SLC35F1: variants seen among roughly 807,000 people sequenced by gnomAD.
SLC35F1 encodes the protein solute carrier family 35 member F1.
SLC35F1 carries 14 observed loss-of-function variants against 48.7 expected under a neutral mutation model. The observed-to-expected ratio is 0.29, with a 90% CI of 0.19 to 0.45. The LOEUF is 0.45. Ranked by LOEUF, SLC35F1 falls within the 20% of genes least tolerant of loss-of-function variation. The pLI, the probability that SLC35F1 is intolerant of heterozygous loss-of-function variation, is 1.00. For missense variants in SLC35F1, 404 were observed against 500.0 expected (o/e 0.81, Z 1.83); for synonymous variants, 190 against 202.2 (o/e 0.94, Z 0.51).
At chr6:118,235,706 G>C in intron 3 of SLC35F1, 70 bp downstream of exon 3, 1 of 1,528,262 alleles carries the variant, frequency 6.5e-7, no homozygotes, top group Admixed American at 1.9e-5. Context: ...TTTAGTCCTT[G>C]AAAATCTCTA....
intron 2 of SLC35F1, among the ~76,000 whole-genome samples, chr6:118,188,086 T>C (rs80245769): frequency 0.016 from 2,414 of 152,268 alleles, 82 homozygotes; most frequent in African/African-American, 0.055. Flanking sequence ...GAGTCGCAGA[T>C]TGAAGGGGAG....
chr6:118,019,637 T>C (rs1430839753), intron 1 of SLC35F1, among the ~76,000 whole-genome samples: 1 of 151,474 alleles, frequency 6.6e-6, no homozygotes, highest in African/African-American at 2.4e-5. Context: ...AAAAAAGAAA[T>C]GGGTAGTTGA....
intron 1 of SLC35F1, among the ~76,000 whole-genome samples, chr6:118,024,852 A>C (rs2114887514): frequency 6.6e-6 from 1 of 152,286 alleles, no homozygotes; most frequent in East Asian, 1.9e-4. Context: ...TATAGGGAGA[A>C]TCTCATATAA....
intron 3 of SLC35F1, among the ~76,000 whole-genome samples, chr6:118,240,647 A>G (rs1026961836): frequency 6.6e-6 from 1 of 152,208 alleles, no homozygotes; most frequent in Non-Finnish European, 1.5e-5. Flanking sequence ...GGAAATCAAC[A>G]CAGTTCTCTG....
chr6:118,277,683 C>A (rs897072363), intron 6 of SLC35F1, 137 bp downstream of exon 6: 5 of 750,304 alleles, frequency 6.7e-6, no homozygotes, highest in East Asian at 2.5e-5. Context: ...ATCCCTTTGT[C>A]ATTTCAGGAA....
intron 3 of SLC35F1, among the ~76,000 whole-genome samples, chr6:118,244,540 C>G (rs1775483379): frequency 6.6e-6 from 1 of 152,266 alleles, no homozygotes; most frequent in Non-Finnish European, 1.5e-5. Context: ...CATTGGAAAG[C>G]AAGGGACGTA....
intron 2 of SLC35F1, among the ~76,000 whole-genome samples, chr6:118,216,244 AT>A (rs888197163): frequency 3.3e-4 from 49 of 146,858 alleles, no homozygotes; most frequent in East Asian, 7.9e-4. Context: ...TGCCTGGCTA[AT>A]TTTTTTTTTT....
chr6:118,182,660 G>C (rs984461453), intron 2 of SLC35F1, among the ~76,000 whole-genome samples: 1 of 152,034 alleles, frequency 6.6e-6, no homozygotes, highest in Non-Finnish European at 1.5e-5. Flanking sequence ...CATGAGGCCA[G>C]GAGTTCAAGA....
At chr6:118,271,038 C>T (rs1775845280) in intron 4 of SLC35F1, among the ~76,000 whole-genome samples, 2 of 151,026 alleles carry the variant, frequency 1.3e-5, no homozygotes. Context: ...TTTTTTATTA[C>T]ACTTACTTTT....
chr6:118,050,826 A>G (rs1413856379), intron 1 of SLC35F1, among the ~76,000 whole-genome samples: 1 of 152,164 alleles, frequency 6.6e-6, no homozygotes, highest in African/African-American at 2.4e-5. Flanking sequence ...TTGCAGGCAG[A>G]GTATGACTTC....
At chr6:118,235,750 G>T (rs1322305965) in intron 3 of SLC35F1, 114 bp downstream of exon 3, 1 of 1,041,792 alleles carries the variant, frequency 9.6e-7, no homozygotes, top group Non-Finnish European at 1.3e-6. Flanking sequence ...CTATACTATA[G>T]TATACAGACT....
intron 1 of SLC35F1, among the ~76,000 whole-genome samples, chr6:117,976,320 C>T (rs865829601): frequency 7.9e-5 from 12 of 152,110 alleles, no homozygotes; most frequent in African/African-American, 2.4e-4. Flanking sequence ...GAAACCCTGG[C>T]TGAAAGAAAA....
chr6:118,064,408 C>T (rs925192747), intron 1 of SLC35F1, among the ~76,000 whole-genome samples: 2 of 152,172 alleles, frequency 1.3e-5, no homozygotes, highest in Non-Finnish European at 2.9e-5. Context: ...CATATCCTCA[C>T]ATAGGTAGTA....
At chr6:117,933,756 C>T (rs929599190) in intron 1 of SLC35F1, among the ~76,000 whole-genome samples, 1 of 152,092 alleles carries the variant, frequency 6.6e-6, no homozygotes, top group Non-Finnish European at 1.5e-5. Flanking sequence ...CTTGTGATAA[C>T]AAAGTGAAAA....
intron 4 of SLC35F1, 112 bp downstream of exon 4, chr6:118,267,266 A>T: frequency 8.1e-7 from 1 of 1,239,572 alleles, no homozygotes; most frequent in Non-Finnish European, 1.2e-6. Context: ...TGGATTTCCC[A>T]CTATCTGTGT....
intron 1 of SLC35F1, among the ~76,000 whole-genome samples, chr6:118,077,037 A>C (rs1772832355): frequency 6.6e-6 from 1 of 152,212 alleles, no homozygotes; most frequent in Non-Finnish European, 1.5e-5. Flanking sequence ...TGTTTTTTAA[A>C]ATGAAAAATT....
intron 1 of SLC35F1, among the ~76,000 whole-genome samples, chr6:118,083,706 T>A (rs1772944727): frequency 6.6e-6 from 1 of 152,218 alleles, no homozygotes; most frequent in African/African-American, 2.4e-5. Context: ...TGATTGGTAT[T>A]TGGCAATACA....
At position 118,214,683 on chromosome 6, in the gene SLC35F1, G is replaced by A. The variant is rs1582733560; in HGVS notation, c.350-20826G>A. Among the ~76,000 whole-genome samples the A allele has an allele frequency of 2.0e-5, 3 of 152,088 alleles. No individual in the cohort carries two copies. In the South Asian group the frequency reaches 6.2e-4, roughly 32 times the overall value. On this transcript the variant is annotated intron_variant, in intron 2 of 7. Transcript: ENST00000360388. ...TCATTGTAGCTCCATTGTCAGCTCTGGGTCCAGGTGGATAAATTTGATCAA... is the reference window on the plus strand; with the variant it reads ...TCATTGTAGCTCCATTGTCAGCTCTAGGTCCAGGTGGATAAATTTGATCAA...
At chr6:118,021,919 G>GT (rs1367480569) in intron 1 of SLC35F1, among the ~76,000 whole-genome samples, 1 of 152,192 alleles carries the variant, frequency 6.6e-6, no homozygotes, top group African/African-American at 2.4e-5. Flanking sequence ...CTTTAGGGGA[G>GT]TGAGGTGGTG....
Sources: gnomAD v4.1 joint callset for allele counts (sites outside exome capture counted in the v4.1 genomes callset) on GRCh38, gnomAD v4.1.1 for gene constraint, MANE v1.5 for transcripts, NCBI Gene and HGNC (gene_info 2026-07-23, HGNC 2026-07-21) for gene names.